Variants in DTNA observed in about 807,000 individuals in gnomAD.
DTNA encodes the protein dystrobrevin alpha, also known as dystrophin-related protein 3.
Under a neutral mutation model 100.7 loss-of-function variants are expected in DTNA, and 43 were observed. That is an observed-to-expected ratio of 0.43 (90% CI 0.33 to 0.55). The LOEUF (loss-of-function observed/expected upper bound fraction) is 0.55, where lower values mean the gene tolerates loss of function less well. Among genes scored for constraint, DTNA ranks in the 20% least tolerant of loss-of-function variants. The probability of loss-of-function intolerance (pLI) is 0.04; values close to 1 mark genes in which losing one functional copy is unlikely to be tolerated. For missense variants in DTNA, 798 were observed against 953.9 expected, an observed-to-expected ratio of 0.84 and a Z score of 2.15; for synonymous variants, 349 against 347.9, an observed-to-expected ratio of 1.00 and a Z score of -0.04.
intron 16 of DTNA, among the ~76,000 whole-genome samples, chr18:34,858,785 G>T (rs1312704825): frequency 1.3e-5 from 2 of 151,614 alleles, no homozygotes; most frequent in Non-Finnish European, 1.5e-5. Context: ...TAATTTTTTT[G>T]TATTTAGTAG....
chr18:34,526,232 G>C (rs1340410155), intron 1 of DTNA, among the ~76,000 whole-genome samples: 1 of 152,118 alleles, frequency 6.6e-6, no homozygotes, highest in African/African-American at 2.4e-5. Context: ...ACTTAAAGAG[G>C]AATCGTTGTG....
chr18:34,783,467 A>C (rs939679159), intron 3 of DTNA, among the ~76,000 whole-genome samples: 1 of 152,230 alleles, frequency 6.6e-6, no homozygotes, highest in African/African-American at 2.4e-5. Context: ...CTAAAATGTT[A>C]TCTCTGTAAG....
chr18:34,528,271 C>T (rs1447127411), intron 1 of DTNA, among the ~76,000 whole-genome samples: 2 of 152,024 alleles, frequency 1.3e-5, no homozygotes, highest in Non-Finnish European at 2.9e-5. Flanking sequence ...TTACTTGGAA[C>T]TGAAGAAGAG....
rs184969765 is a variant in DTNA, at chr18:34,650,132, C to T, written c.-1-105844C>T. On this transcript the variant is annotated intron_variant, in intron 1 of 19. Transcript: ENST00000283365. ...AAAGACTTAAATTTGTTTCAAGTTT[C>T]TCCGTTGCACGGATCAGCCAAGCAG... is the stretch of plus-strand genomic sequence containing the variant. 2.0e-5 allele frequency among the ~76,000 whole-genome samples: 3 copies of T among 152,272 alleles called. No homozygotes were observed. In the East Asian group the frequency reaches 5.8e-4, roughly 29 times the overall value.
At chr18:34,858,635 G>A (rs143761818) in intron 16 of DTNA, among the ~76,000 whole-genome samples, 4 of 152,316 alleles carry the variant, frequency 2.6e-5, no homozygotes, top group African/African-American at 9.6e-5. Context: ...TTTTGAGACA[G>A]AGTTTCACTC....
intron 1 of DTNA, among the ~76,000 whole-genome samples, chr18:34,633,497 G>A (rs918918006): frequency 6.6e-6 from 1 of 152,136 alleles, no homozygotes; most frequent in Non-Finnish European, 1.5e-5. Flanking sequence ...TACAAGACAT[G>A]CTAATTTTCA....
chr18:34,752,665 A>G (rs1025082209), intron 1 of DTNA, among the ~76,000 whole-genome samples: 7 of 152,194 alleles, frequency 4.6e-5, no homozygotes, highest in Non-Finnish European at 8.8e-5. Flanking sequence ...TCTTATATTT[A>G]TAATTATATT....
intron 16 of DTNA, 35 bp downstream of exon 16, chr18:34,858,433 T>C: frequency 6.3e-7 from 1 of 1,599,310 alleles, no homozygotes; most frequent in Non-Finnish European, 8.6e-7. Flanking sequence ...TCAGGGAATA[T>C]ATATGTGTCA....
intron 17 of DTNA, chr18:34,867,848 T>G (rs1197082201): frequency 1.2e-5 from 12 of 985,356 alleles, no homozygotes; most frequent in Non-Finnish European, 1.4e-5. Context: ...CTCAGCAGCT[T>G]CTGCATCTCA....
At chr18:34,814,864 A>G (rs1284340433) in intron 6 of DTNA, among the ~76,000 whole-genome samples, 1 of 152,192 alleles carries the variant, frequency 6.6e-6, no homozygotes, top group African/African-American at 2.4e-5. Context: ...CATTGTTGGA[A>G]ACTTCCAGGA....
At chr18:34,531,653 A>G (rs1434077152) in intron 1 of DTNA, among the ~76,000 whole-genome samples, 5 of 152,144 alleles carry the variant, frequency 3.3e-5, no homozygotes, top group African/African-American at 1.2e-4. Flanking sequence ...CAGAAAGCAC[A>G]AGGCAGTGTG....
chr18:34,753,366 A>ATTTTATTTTATTTTTTTTTT (rs2092500633), intron 1 of DTNA, among the ~76,000 whole-genome samples: 1 of 133,150 alleles, frequency 7.5e-6, no homozygotes, highest in African/African-American at 3.2e-5. Context: ...TATTTATTTT[A>ATTTTATTTTATTTTTTTTTT]TTTTTTTTTT....
intron 1 of DTNA, among the ~76,000 whole-genome samples, chr18:34,652,034 A>G (rs1212669215): frequency 6.6e-6 from 1 of 151,810 alleles, no homozygotes; most frequent in Non-Finnish European, 1.5e-5. Context: ...CCACTGCACT[A>G]CAGTGTGGGT....
intron 2 of DTNA, among the ~76,000 whole-genome samples, chr18:34,756,266 G>A (rs1001462432): frequency 6.6e-6 from 1 of 152,098 alleles, no homozygotes; most frequent in African/African-American, 2.4e-5. Flanking sequence ...TTATGTGGAA[G>A]AAAATGTTTA....
intron 9 of DTNA, among the ~76,000 whole-genome samples, chr18:34,824,932 T>TAAAAAAAAA (rs35456039): frequency 1.0e-5 from 1 of 96,876 alleles, no homozygotes; most frequent in Non-Finnish European, 2.2e-5. Context: ...TTAGATACAG[T>TAAAAAAAAA]AAAAAAAAAA....
chr18:34,838,306 C>G (rs979197994), intron 12 of DTNA, 135 bp downstream of exon 12: 3 of 862,004 alleles, frequency 3.5e-6, no homozygotes, highest in Non-Finnish European at 5.6e-6. Context: ...ACCCAGTTAA[C>G]AGCACTAAGT....
chr18:34,735,971 C>T (rs1175131253), intron 1 of DTNA, among the ~76,000 whole-genome samples: 2 of 152,160 alleles, frequency 1.3e-5, no homozygotes, highest in African/African-American at 4.8e-5. Context: ...CCCAGAGACA[C>T]CACTTCTTTT....
chr18:34,671,783 A>T lies in DTNA; in HGVS notation c.-1-84193A>T, dbSNP rs143855306. On this transcript the variant is annotated intron_variant, in intron 1 of 19. Transcript: ENST00000283365. ...CATTCCTTCCTTCTTTTCTAATTGA[A>T]CTTTACATCATAGTATCAACAGACA... 4.3e-3 allele frequency among the ~76,000 whole-genome samples: 653 copies of T among 152,032 alleles called. 2 individuals carry two copies. Among genetic ancestry groups the T allele is most frequent in the African/African-American group, 0.014 (569 of 41,462 alleles).
At chr18:34,745,347 C>T (rs1377853140) in intron 1 of DTNA, among the ~76,000 whole-genome samples, 1 of 152,166 alleles carries the variant, frequency 6.6e-6, no homozygotes, top group Non-Finnish European at 1.5e-5. Flanking sequence ...ATTTCAGAAG[C>T]CCAGATCACA....
Sources: allele counts gnomAD v4.1 joint callset (sites outside exome capture counted in the v4.1 genomes callset), GRCh38; gene constraint gnomAD v4.1.1; transcripts MANE v1.5; gene names NCBI Gene and HGNC (gene_info 2026-07-23, HGNC 2026-07-21).